Variants in PCDHA1 observed in about 807,000 individuals in gnomAD.
PCDHA1 encodes protocadherin alpha-1.
Under a neutral mutation model 61.3 loss-of-function variants are expected in PCDHA1, and 42 were observed. The observed-to-expected ratio is 0.69, with a 90% CI of 0.54 to 0.89. The LOEUF is 0.89. Among genes scored for constraint, PCDHA1 ranks in the 40% least tolerant of loss-of-function variants. The pLI, the probability that PCDHA1 is intolerant of heterozygous loss-of-function variation, is 0.00. For synonymous variants in PCDHA1, 610 were observed against 553.8 expected (o/e 1.10, Z -1.43); for missense variants, 1,256 against 1,235.3 (o/e 1.02, Z -0.25).
intron 1 of PCDHA1, among the ~76,000 whole-genome samples, chr5:140,901,404 G>C (rs1047085666): frequency 6.6e-6 from 1 of 152,166 alleles, no homozygotes; most frequent in East Asian, 1.9e-4. Flanking sequence ...GTGAGAGATA[G>C]GGGTCTAGTT....
chr5:140,873,989 T>C (rs1264143469), intron 1 of PCDHA1, among the ~76,000 whole-genome samples: 3 of 152,222 alleles, frequency 2.0e-5, no homozygotes, highest in African/African-American at 7.2e-5. Context: ...TTCCTTAGCA[T>C]GTATGGTACA....
chr5:140,864,892 A>G (rs1240811455), intron 1 of PCDHA1: 4 of 152,184 alleles, frequency 2.6e-5, no homozygotes, highest in African/African-American at 4.8e-5. Flanking sequence ...ATTAAGCTGC[A>G]TGGTCTTCAG....
In PCDHA1 at chr5:140,850,223, AGT is replaced by A. The variant is rs2041441871; in HGVS notation, c.2394+61541_2394+61542del. The A allele has an allele frequency of 1.0e-5, 16 of 1,593,640 alleles. 2 individuals carry two copies. Among genetic ancestry groups the A allele is most frequent in the Non-Finnish European group, 1.2e-5 (14 of 1,167,580 alleles). ...CTCGGATGAGGGGCACTGACGGCGC[AGT>A]GAGCGAGATGGTGCTGCGGTCGGTG... On this transcript the variant is annotated intron_variant, in intron 1 of 3. Transcript: ENST00000504120.
intron 1 of PCDHA1, chr5:140,808,613 A>T: frequency 6.2e-7 from 1 of 1,613,806 alleles, no homozygotes; most frequent in Non-Finnish European, 8.5e-7. Flanking sequence ...CCACATCTTC[A>T]CTGTGTCTGC....
At position 140,848,921 on chromosome 5, in the gene PCDHA1, C is replaced by A. The variant is rs149924043; in HGVS notation, c.2394+60237C>A. The A allele has an allele frequency of 2.3e-3, 3,692 of 1,607,738 alleles. 94 individuals carry two copies. Among genetic ancestry groups the A allele is most frequent in the Middle Eastern group, 9.4e-3 (57 of 6,032 alleles). On this transcript the variant is annotated intron_variant, in intron 1 of 3. Coordinates refer to ENST00000504120, the MANE Select transcript of PCDHA1 (RefSeq NM_018900.4). ...CAGCGACACAAAAGAATCTGTTCAT[C>A]GCGGAATCCAGGCCGCTTGACTCTC...
chr5:140,825,780 A>C (rs1409625952), intron 1 of PCDHA1: 3 of 152,454 alleles, frequency 2.0e-5, no homozygotes, highest in African/African-American at 7.2e-5. Context: ...AAATTCTACT[A>C]TATTTTGGTT....
At chr5:141,000,921 C>T (rs562554000) in intron 3 of PCDHA1, among the ~76,000 whole-genome samples, 1 of 152,006 alleles carries the variant, frequency 6.6e-6, no homozygotes, top group Non-Finnish European at 1.5e-5. Flanking sequence ...AAAAAAAAAT[C>T]CTGTGTGATT....
In PCDHA1 at chr5:140,972,316, G is replaced by GT. The variant is rs112435719; in HGVS notation, c.2395-6621dup. On this transcript the variant is annotated intron_variant, in intron 1 of 3. Coordinates refer to ENST00000504120, the MANE Select transcript of PCDHA1 (RefSeq NM_018900.4). ...CACCGTGTCTGACTAGTTTTTAGGT[G>GT]TTTTTTTTTTTTGGAAGAGATGGGG... 6.7e-3 allele frequency among the ~76,000 whole-genome samples: 929 copies of GT among 139,652 alleles called. 6 individuals carry two copies. The highest frequency in any genetic ancestry group is 0.017 in the African/African-American group (645 of 38,294). The allele number at this position is 139,652 out of a possible 152,430, so 91.6% of individuals were successfully genotyped here.
At chr5:140,941,760 T>A (rs1343959883) in intron 1 of PCDHA1, among the ~76,000 whole-genome samples, 2 of 152,234 alleles carry the variant, frequency 1.3e-5, no homozygotes, top group Non-Finnish European at 1.5e-5. Flanking sequence ...TCAGTGCTTT[T>A]AAGATAATTG....
At chr5:140,844,257 G>C (rs1328189428) in intron 1 of PCDHA1, among the ~76,000 whole-genome samples, 7 of 149,406 alleles carry the variant, frequency 4.7e-5, no homozygotes, top group African/African-American at 1.7e-4. Context: ...AAGCAGTGTA[G>C]TGATAAAATA....
At chr5:140,871,658 C>G in intron 1 of PCDHA1, 2 of 1,224,216 alleles carry the variant, frequency 1.6e-6, no homozygotes, top group Non-Finnish European at 2.2e-6. Context: ...TGATACACAT[C>G]TTCAGTCTTT....
At chr5:140,788,779 G>T (rs1328444463) in intron 1 of PCDHA1, 95 bp downstream of exon 1, 1 of 1,445,314 alleles carries the variant, frequency 6.9e-7, no homozygotes, top group East Asian at 2.4e-5. Flanking sequence ...TGTCTTCAAG[G>T]TGTTCACTAA....
chr5:140,873,821 T>C (rs562633), intron 1 of PCDHA1, among the ~76,000 whole-genome samples: 2,262 of 152,230 alleles, frequency 0.015, 53 homozygotes, highest in African/African-American at 0.052. Context: ...CCACCACTCC[T>C]GGCTAATTTT....
rs1041971288 is a variant in PCDHA1, at chr5:140,912,300, A to G, written c.2395-66649A>G. ...CCAGGAACAATACTTTGCCTCCTGT[A>G]ATCCAGTCAAGTTGACCCTCAGTAT... On this transcript the variant is annotated intron_variant, in intron 1 of 3. Coordinates refer to ENST00000504120, the MANE Select transcript of PCDHA1 (RefSeq NM_018900.4). Among the ~76,000 whole-genome samples, 5 of 152,070 alleles carry G rather than the reference A, an allele frequency of 3.3e-5. No homozygotes were observed. The East Asian group carries it at 9.7e-4, about 29-fold the overall frequency.
At chr5:140,797,106 G>C in intron 1 of PCDHA1, 2 of 1,614,000 alleles carry the variant, frequency 1.2e-6, no homozygotes, top group Non-Finnish European at 1.7e-6. Flanking sequence ...TGGTGCTCAC[G>C]GTGCTGCTGT....
intron 1 of PCDHA1, chr5:140,789,010 T>C: frequency 2.6e-6 from 1 of 378,264 alleles, no homozygotes; most frequent in Non-Finnish European, 4.6e-6. Flanking sequence ...ATATTCGGGG[T>C]AACTTATTAT....
chr5:140,827,605 G>A (rs1440569853), intron 1 of PCDHA1, among the ~76,000 whole-genome samples: 1 of 152,210 alleles, frequency 6.6e-6, no homozygotes, highest in Non-Finnish European at 1.5e-5. Flanking sequence ...ATGTGGGCAA[G>A]TTTCTTTTCT....
intron 1 of PCDHA1, chr5:140,864,198 A>G (rs1437307959): frequency 6.6e-6 from 1 of 152,182 alleles, no homozygotes; most frequent in Non-Finnish European, 1.5e-5. Flanking sequence ...TCCTTATGAG[A>G]AGGTCAAATC....
At chr5:140,935,093 A>G (rs1182064605) in intron 1 of PCDHA1, among the ~76,000 whole-genome samples, 1 of 152,204 alleles carries the variant, frequency 6.6e-6, no homozygotes, top group Admixed American at 6.5e-5. Context: ...TCCCAGAATC[A>G]GCCATTTTTC....
Sources: allele counts gnomAD v4.1 joint callset (sites outside exome capture counted in the v4.1 genomes callset), GRCh38; gene constraint gnomAD v4.1.1; transcripts MANE v1.5; gene names NCBI Gene and HGNC (gene_info 2026-07-23, HGNC 2026-07-21).